The following RAB11FIP3 variants were observed in gnomAD, a reference collection of about 807,000 sequenced individuals.
The protein encoded by RAB11FIP3 is RAB11 family interacting protein 3, also known as rab11 family-interacting protein 3.
A neutral mutation model predicts 77.8 loss-of-function variants in RAB11FIP3; 17 were observed. The ratio of observed to expected loss-of-function variants is 0.22; its 90% CI spans 0.15 to 0.33. The LOEUF (loss-of-function observed/expected upper bound fraction) is 0.33, where lower values mean the gene tolerates loss of function less well. Ranked by LOEUF, RAB11FIP3 falls within the 10% of genes least tolerant of loss-of-function variation. The pLI is 1.00. For synonymous variants in RAB11FIP3, 437 were observed against 448.2 expected (o/e 0.98, Z 0.31); for missense variants, 1,005 against 1,011.2 (o/e 0.99, Z 0.08).
At chr16:454,972 C>A (rs2055475244) in intron 1 of RAB11FIP3, among the ~76,000 whole-genome samples, 1 of 151,372 alleles carries the variant, frequency 6.6e-6, no homozygotes, top group African/African-American at 2.4e-5. Flanking sequence ...ATTGCTTGAA[C>A]CCGGGAGGTG....
At chr16:516,617 CT>C (rs1232560549) in intron 9 of RAB11FIP3, among the ~76,000 whole-genome samples, 1 of 152,226 alleles carries the variant, frequency 6.6e-6, no homozygotes, top group Non-Finnish European at 1.5e-5. Context: ...TGGCTCACGC[CT>C]GTAACCCCAG....
chr16:463,311 C>T (rs980671741), intron 2 of RAB11FIP3, among the ~76,000 whole-genome samples: 2 of 151,914 alleles, frequency 1.3e-5, no homozygotes, highest in Admixed American at 6.6e-5. Context: ...CCTTGGACCT[C>T]GACCTCAGGT....
At chr16:475,803 A>G (rs574600108) in intron 3 of RAB11FIP3, among the ~76,000 whole-genome samples, 1 of 152,348 alleles carries the variant, frequency 6.6e-6, no homozygotes, top group East Asian at 1.9e-4. Flanking sequence ...TGGGATCTAC[A>G]GTGCACGGAG....
chr16:433,097 G>A (rs112617330), intron 1 of RAB11FIP3, among the ~76,000 whole-genome samples: 3 of 15,872 alleles, frequency 1.9e-4, no homozygotes, highest in Admixed American at 8.3e-4. Context: ...GCAGTGGCGC[G>A]ATCTCAGCTC....
rs375734929 is a variant in RAB11FIP3, at chr16:443,629, G to A, written c.714+16909G>A. On this transcript the variant is annotated intron_variant, in intron 1 of 13. Coordinates refer to ENST00000262305, the MANE Select transcript of RAB11FIP3 (RefSeq NM_014700.4). Reference sequence around the variant, plus strand: ...CGCCCAGGCTGGAGTGCAGTGGCGCGATCTTGGCTCACTGCAACCTCTGCC... The same window carrying A: ...CGCCCAGGCTGGAGTGCAGTGGCGCAATCTTGGCTCACTGCAACCTCTGCC... Among the ~76,000 whole-genome samples the A allele has an allele frequency of 2.0e-4, 30 of 152,264 alleles. No homozygotes were observed. In the East Asian group the frequency reaches 2.3e-3, roughly 12 times the overall value.
At position 506,350 on chromosome 16, in the gene RAB11FIP3, C is replaced by T. The variant is rs1356102788; in HGVS notation, c.1499+723C>T. Among the ~76,000 whole-genome samples the T allele has an allele frequency of 2.0e-5, 3 of 152,094 alleles. No individual in the cohort carries two copies. The highest frequency in any genetic ancestry group is 6.5e-5 in the Admixed American group (1 of 15,276). On this transcript the variant is annotated intron_variant, in intron 8 of 13. Transcript: ENST00000262305. The surrounding 1 kb of genome is among the most constrained non-coding windows in gnomAD (Gnocchi z 4.5). The stretch of plus-strand genomic sequence containing the variant: ...GGCTATGACACCTGTAGCTGGGCAC[C>T]GGCAGCCTCTTGTGGGCAGAGGAGG...
chr16:443,835 A>T, intron 1 of RAB11FIP3, among the ~76,000 whole-genome samples: 1 of 152,232 alleles, frequency 6.6e-6, no homozygotes, highest in Non-Finnish European at 1.5e-5. Context: ...AAGTGCTGGG[A>T]TTACAGGCAT....
intron 6 of RAB11FIP3, among the ~76,000 whole-genome samples, chr16:498,794 C>T (rs114688024): frequency 0.016 from 2,402 of 151,862 alleles, 67 homozygotes; most frequent in African/African-American, 0.056. Context: ...CAGGAGCCAC[C>T]GCGTCCCACT....
At chr16:500,408 C>A (rs544334258) in intron 6 of RAB11FIP3, among the ~76,000 whole-genome samples, 19 of 152,094 alleles carry the variant, frequency 1.2e-4, no homozygotes, top group African/African-American at 4.3e-4. Flanking sequence ...CCCAGCCGGA[C>A]GCGGTGGTTC....
chr16:442,080 G>A (rs1368031758), intron 1 of RAB11FIP3, among the ~76,000 whole-genome samples: 1 of 152,122 alleles, frequency 6.6e-6, no homozygotes, highest in Non-Finnish European at 1.5e-5. Context: ...CTCGTGATCC[G>A]CCCACTTCGG....
chr16:461,320 C>A lies in RAB11FIP3; in HGVS notation c.715-84C>A. ...TCCCCGTTCCCAGCAGGCCACACAC[C>A]AGATCTCTCCCAGTCCGAGGTCCAG... is the stretch of plus-strand genomic sequence containing the variant. On this transcript the variant is annotated intron_variant, in intron 1 of 13. Transcript: ENST00000262305. This position sits in a 1 kb window ranked among gnomAD's most constrained non-coding sequence, Gnocchi z 4.5. 2.8e-6 allele frequency: 3 copies of A among 1,064,140 alleles called. No individual in the cohort carries two copies. Among genetic ancestry groups the A allele is most frequent in the Non-Finnish European group, 2.8e-6 (2 of 717,928 alleles). The allele number at this position is 1,064,140 out of a possible 1,614,324, so 65.9% of individuals were successfully genotyped here.
rs189313588 is a variant in RAB11FIP3, at chr16:472,772, C to T, written c.903+1383C>T. On this transcript the variant is annotated intron_variant, in intron 3 of 13. Transcript: ENST00000262305. The surrounding 1 kb of genome is among the most constrained non-coding windows in gnomAD (Gnocchi z 4.1). ...AGAGTGGCCTCTCAAAAGATATGTC[C>T]ACCCAGCAGCTGTGGATGTGGCCTT... Among the ~76,000 whole-genome samples, 199 of 152,284 alleles carry T rather than the reference C, an allele frequency of 1.3e-3. No homozygotes were observed. Among genetic ancestry groups the T allele is most frequent in the African/African-American group, 4.3e-3 (180 of 41,564 alleles).
At chr16:517,975 G>A (rs73481325) in intron 9 of RAB11FIP3, among the ~76,000 whole-genome samples, 8 of 152,124 alleles carry the variant, frequency 5.3e-5, no homozygotes, top group Non-Finnish European at 8.8e-5. Flanking sequence ...CCAGCTACTC[G>A]GGAGGCTGAG....
Position 518,997 on chromosome 16 carries a change from G to C in RAB11FIP3, c.1695G>C (p.Leu565=), listed in dbSNP as rs756308824. 7.4e-6 allele frequency: 12 copies of C among 1,613,522 alleles called. No individual in the cohort carries two copies. The highest frequency in any genetic ancestry group is 1.7e-5 in the Admixed American group (1 of 60,016). Residue 565 remains leucine (L), a synonymous_variant, in exon 10 of 14, where the codon CTG becomes CTC. Coordinates refer to ENST00000262305, the MANE Select transcript of RAB11FIP3 (RefSeq NM_014700.4). ...AACTCCGGTCCTGCACGCCCTGTCT[G>C]AAGGCCAACATTGAGCGTCTGGAGG... is the stretch of plus-strand genomic sequence containing the variant. ...NSELRSCTPC[L]KANIERLEEE... is the part of the protein sequence containing the mutation.
intron 1 of RAB11FIP3, among the ~76,000 whole-genome samples, chr16:436,784 C>G (rs897893256): frequency 5.9e-5 from 9 of 152,058 alleles, no homozygotes; most frequent in Non-Finnish European, 1.2e-4. Flanking sequence ...TTTTATTTTT[C>G]GTAGAGACGA....
chr16:499,578 A>G (rs150986414), intron 6 of RAB11FIP3, among the ~76,000 whole-genome samples: 6,323 of 152,280 alleles, frequency 0.042, 189 homozygotes, highest in South Asian at 0.084. Flanking sequence ...TGGGTGGATC[A>G]CGAGGTCAGG....
intron 1 of RAB11FIP3, among the ~76,000 whole-genome samples, chr16:447,270 A>C (rs1187177261): frequency 6.6e-6 from 1 of 151,980 alleles, no homozygotes; most frequent in Non-Finnish European, 1.5e-5. Context: ...GTGCCAGTGC[A>C]CTCTAGCCTG....
intron 5 of RAB11FIP3, among the ~76,000 whole-genome samples, chr16:492,540 A>AGGGCCCTTCCCGGGAGACCCGAG (rs2030655052): frequency 7.3e-6 from 1 of 137,800 alleles, no homozygotes; most frequent in African/African-American, 3.2e-5. Context: ...GAGGCCGTCC[A>AGGGCCCTTCCCGGGAGACCCGAG]GAATCTTGGA....
At chr16:501,487 TGGGA>T in intron 6 of RAB11FIP3, among the ~76,000 whole-genome samples, 1 of 140,590 alleles carries the variant, frequency 7.1e-6, no homozygotes, top group East Asian at 2.2e-4. Context: ...GCAAGGAAGC[TGGGA>T]GAGGGTCCCC....
Sources: gnomAD v4.1 joint callset for allele counts (sites outside exome capture counted in the v4.1 genomes callset) on GRCh38, gnomAD v4.1.1 for gene constraint, Gnocchi (gnomAD v3.1) non-coding constraint, MANE v1.5 for transcripts, NCBI Gene and HGNC (gene_info 2026-07-23, HGNC 2026-07-21) for gene names.